GNG12: variants seen among roughly 807,000 people sequenced by gnomAD.
The protein encoded by GNG12 is G protein subunit gamma 12.
For missense variants in GNG12, 69 were observed against 83.8 expected, an observed-to-expected ratio of 0.82 and a Z score of 0.69; for synonymous variants, 28 against 29.7, an observed-to-expected ratio of 0.94 and a Z score of 0.19.
chr1:67,780,169 T>G (rs1646729282), intron 1 of GNG12, among the ~76,000 whole-genome samples: 1 of 152,206 alleles, frequency 6.6e-6, no homozygotes, highest in East Asian at 1.9e-4. Context: ...GTTCAAGTGC[T>G]TTACATGCTC....
chr1:67,823,739 A>G (rs1007583512), intron 1 of GNG12, among the ~76,000 whole-genome samples: 6 of 152,220 alleles, frequency 3.9e-5, no homozygotes, highest in African/African-American at 7.2e-5. Context: ...AAATGGTTCA[A>G]TCTTTCCGGA....
At chr1:67,799,124 A>G (rs552756957) in intron 1 of GNG12, among the ~76,000 whole-genome samples, 5 of 152,352 alleles carry the variant, frequency 3.3e-5, no homozygotes, top group African/African-American at 1.2e-4. Flanking sequence ...AGGCTTGTCA[A>G]CAGCAGGCTA....
intron 2 of GNG12, among the ~76,000 whole-genome samples, chr1:67,739,394 A>G (rs191746408): frequency 4.7e-5 from 7 of 150,390 alleles, no homozygotes; most frequent in Admixed American, 3.9e-4. Flanking sequence ...GTTGATCACA[A>G]TGACCGGTAT....
intron 2 of GNG12, among the ~76,000 whole-genome samples, chr1:67,742,096 T>C (rs114409812): frequency 5.6e-4 from 85 of 152,326 alleles, no homozygotes; most frequent in African/African-American, 2.0e-3. Context: ...GTGCTGAGAC[T>C]GAATTTTGGT....
chr1:67,738,876 CT>C (rs1484227365), intron 2 of GNG12, among the ~76,000 whole-genome samples: 1 of 152,110 alleles, frequency 6.6e-6, no homozygotes, highest in East Asian at 1.9e-4. Flanking sequence ...AACACCTTGG[CT>C]TTTAAAACAA....
At chr1:67,746,837 CAG>C (rs1185471007) in intron 2 of GNG12, among the ~76,000 whole-genome samples, 8 of 152,046 alleles carry the variant, frequency 5.3e-5, no homozygotes, top group African/African-American at 1.4e-4. Context: ...AAAGAGACAA[CAG>C]AAAGGGGGTA....
intron 1 of GNG12, among the ~76,000 whole-genome samples, chr1:67,832,121 C>T (rs1647050086): frequency 6.6e-6 from 1 of 152,206 alleles, no homozygotes; most frequent in African/African-American, 2.4e-5. Flanking sequence ...TCGGCAAAGA[C>T]AGCAGGGGGG....
At chr1:67,785,461 A>G (rs985186533) in intron 1 of GNG12, among the ~76,000 whole-genome samples, 32 of 152,074 alleles carry the variant, frequency 2.1e-4, no homozygotes, top group African/African-American at 7.0e-4. Flanking sequence ...TCTACCTCCT[A>G]CTTTTTATCA....
chr1:67,759,937 C>A (rs1646592542), intron 2 of GNG12, among the ~76,000 whole-genome samples: 1 of 152,198 alleles, frequency 6.6e-6, no homozygotes. Flanking sequence ...GATACTGATA[C>A]CCTGTCCACT....
At chr1:67,795,814 G>T (rs1026407337) in intron 1 of GNG12, among the ~76,000 whole-genome samples, 1 of 152,168 alleles carries the variant, frequency 6.6e-6, no homozygotes, top group African/African-American at 2.4e-5. Context: ...GAGGACACAG[G>T]AAAAGGGCAA....
chr1:67,807,080 C>G (rs1350372126), intron 1 of GNG12, among the ~76,000 whole-genome samples: 2 of 152,134 alleles, frequency 1.3e-5, no homozygotes, highest in Non-Finnish European at 2.9e-5. Flanking sequence ...ATAAACCATA[C>G]AATGTCTGCT....
chr1:67,816,172 G>A (rs549533203), intron 1 of GNG12, among the ~76,000 whole-genome samples: 3 of 152,136 alleles, frequency 2.0e-5, no homozygotes, highest in South Asian at 4.2e-4. Context: ...GATAATGTAC[G>A]AAATCATACA....
At chr1:67,787,467 A>T (rs1029932357) in intron 1 of GNG12, among the ~76,000 whole-genome samples, 1 of 152,192 alleles carries the variant, frequency 6.6e-6, no homozygotes, top group Non-Finnish European at 1.5e-5. Context: ...ATTAACAAAT[A>T]GGCAATAGTC....
chr1:67,795,448 A>C (rs1046651993), intron 1 of GNG12, among the ~76,000 whole-genome samples: 1 of 152,108 alleles, frequency 6.6e-6, no homozygotes, highest in African/African-American at 2.4e-5. Flanking sequence ...TGTTGAGTAC[A>C]CTCTGTGGCA....
chr1:67,750,907 GA>G (rs1646534997), intron 2 of GNG12, among the ~76,000 whole-genome samples: 1 of 152,068 alleles, frequency 6.6e-6, no homozygotes, highest in Non-Finnish European at 1.5e-5. Context: ...CATATTTTAT[GA>G]CACTATATGT....
chr1:67,769,352 C>T (rs74506300), intron 2 of GNG12, among the ~76,000 whole-genome samples: 15,160 of 152,088 alleles, frequency 0.1, 879 homozygotes, highest in African/African-American at 0.15. Flanking sequence ...ACAGTGCTGG[C>T]GCCAGAGAAG....
intron 1 of GNG12, among the ~76,000 whole-genome samples, chr1:67,812,584 C>T (rs1016380813): frequency 2.0e-5 from 3 of 152,140 alleles, no homozygotes; most frequent in Non-Finnish European, 4.4e-5. Flanking sequence ...TAGAGTGATT[C>T]TCTTGGTTTG....
intron 1 of GNG12, 137 bp downstream of exon 1, chr1:67,833,207 C>T (rs1647061741): frequency 5.8e-6 from 1 of 171,662 alleles, no homozygotes; most frequent in Non-Finnish European, 1.2e-5. Context: ...CTTCCTTCCT[C>T]CGCTCCCTCC....
intron 1 of GNG12, among the ~76,000 whole-genome samples, chr1:67,794,493 A>G (rs1158478203): frequency 6.6e-6 from 1 of 152,214 alleles, no homozygotes; most frequent in Non-Finnish European, 1.5e-5. Flanking sequence ...GCATGTCTCA[A>G]TTTAAAAAAC....
Sources: gnomAD v4.1 joint callset for allele counts (sites outside exome capture counted in the v4.1 genomes callset) on GRCh38, gnomAD v4.1.1 for gene constraint, MANE v1.5 for transcripts, NCBI Gene and HGNC (gene_info 2026-07-23, HGNC 2026-07-21) for gene names.